The following FHAD1 variants were observed in gnomAD, a reference collection of about 807,000 sequenced individuals.
FHAD1 encodes forkhead-associated domain-containing protein 1.
FHAD1 carries 146 observed loss-of-function variants against 191.3 expected under a neutral mutation model. The ratio of observed to expected loss-of-function variants is 0.76; its 90% CI spans 0.67 to 0.88. FHAD1 has a LOEUF of 0.88. Among genes scored for constraint, FHAD1 ranks in the 40% least tolerant of loss-of-function variants. The probability of loss-of-function intolerance (pLI) is 0.00; values close to 1 mark genes in which losing one functional copy is unlikely to be tolerated. For missense variants in FHAD1, 1,635 were observed against 1,785.8 expected (o/e 0.92, Z 1.52); for synonymous variants, 616 against 672.3 (o/e 0.92, Z 1.29).
chr1:15,388,155 C>G (rs1022686545), intron 32 of FHAD1, 24 bp downstream of exon 32: 1 of 1,265,298 alleles, frequency 7.9e-7, no homozygotes, highest in Non-Finnish European at 1.0e-6. Flanking sequence ...TCTGATGTTG[C>G]AGACACAGAG....
chr1:15,364,604 C>T (rs1355517576), intron 23 of FHAD1, among the ~76,000 whole-genome samples: 2 of 151,866 alleles, frequency 1.3e-5, no homozygotes, highest in East Asian at 1.9e-4. Context: ...AGCAAGACTC[C>T]GTCTCAAAAA....
chr1:15,388,820 C>T (rs1015780440), intron 32 of FHAD1, among the ~76,000 whole-genome samples: 1 of 152,154 alleles, frequency 6.6e-6, no homozygotes, highest in Non-Finnish European at 1.5e-5. Context: ...CTAGAGGGGA[C>T]GGTGTGTGAC....
intron 20 of FHAD1, 64 bp from the exon 21 acceptor site, chr1:15,358,045 TA>T (rs1693452510): frequency 8.4e-7 from 1 of 1,184,118 alleles, no homozygotes; most frequent in African/African-American, 1.6e-5. Context: ...AGGTGGGGGA[TA>T]AGGGGGCTGG....
chr1:15,333,640 G>A (rs150545693), intron 14 of FHAD1, among the ~76,000 whole-genome samples: 66 of 151,912 alleles, frequency 4.3e-4, no homozygotes, highest in African/African-American at 1.1e-3. Flanking sequence ...TCTATTCATC[G>A]CCATCCTGCA....
chr1:15,365,810 G>C lies in FHAD1; in HGVS notation c.3048-17G>C, dbSNP rs1696248693. Reference sequence around the variant, plus strand: ...AGTTTGAGTTGAACTGACTTCACCTGTTTTTGTGAATTTCAGAGATGACTT... The same window carrying C: ...AGTTTGAGTTGAACTGACTTCACCTCTTTTTGTGAATTTCAGAGATGACTT... On this transcript the variant is annotated splice_polypyrimidine_tract_variant and intron_variant, in intron 23 of 33. Coordinates refer to ENST00000688493, the MANE Select transcript of FHAD1 (RefSeq NM_001391957.1). The C allele has an allele frequency of 6.6e-7, 1 of 1,518,282 alleles. No individual in the cohort carries two copies. The highest frequency in any genetic ancestry group is 1.4e-5 in the African/African-American group (1 of 72,292). 94.1% of individuals were successfully genotyped at this position (1,518,282 alleles called of 1,614,324 possible). A position where few individuals can be genotyped will look rare whatever the true frequency, so the allele number is the denominator to read the frequency against.
intron 21 of FHAD1, among the ~76,000 whole-genome samples, chr1:15,359,807 A>G (rs1245799244): frequency 1.3e-5 from 2 of 150,296 alleles, no homozygotes; most frequent in Admixed American, 6.6e-5. Context: ...GAAAATAGCC[A>G]GGCGTGGTGG....
intron 3 of FHAD1, among the ~76,000 whole-genome samples, chr1:15,288,038 T>C (rs1647176001): frequency 6.6e-6 from 1 of 152,070 alleles, no homozygotes; most frequent in South Asian, 2.1e-4. Flanking sequence ...CTGGAAAGCA[T>C]TATTTCTGCC....
intron 18 of FHAD1, among the ~76,000 whole-genome samples, chr1:15,346,262 T>C (rs971282203): frequency 6.6e-6 from 1 of 152,162 alleles, no homozygotes; most frequent in Non-Finnish European, 1.5e-5. Context: ...AAAGGGCCTG[T>C]GGAAGTTATA....
chr1:15,397,518 A>G lies in FHAD1; in HGVS notation c.*105A>G. 1.9e-6 allele frequency: 1 copy of G among 512,840 alleles called. No homozygotes were observed. The highest frequency in any genetic ancestry group is 3.4e-6 in the Non-Finnish European group (1 of 290,242). The allele number at this position is 512,840 out of a possible 1,614,324, so 31.8% of individuals were successfully genotyped here. ...GAGTTGCTTTTGTAAGTCTTTAAAG[A>G]TTGTTACCCTAGTGTTTCATTTCCT... On this transcript the variant is annotated 3_prime_UTR_variant, in exon 34 of 34. Coordinates refer to ENST00000688493, the MANE Select transcript of FHAD1 (RefSeq NM_001391957.1).
At chr1:15,285,181 T>TA (rs1014708506) in intron 3 of FHAD1, among the ~76,000 whole-genome samples, 1 of 152,216 alleles carries the variant, frequency 6.6e-6, no homozygotes, top group Non-Finnish European at 1.5e-5. Flanking sequence ...GCCTGTTAAG[T>TA]AGAGAAGACT....
upstream of FHAD1, among the ~76,000 whole-genome samples, chr1:15,243,414 C>G (rs1276916898): frequency 6.6e-6 from 1 of 152,242 alleles, no homozygotes; most frequent in African/African-American, 2.4e-5. Flanking sequence ...CTCTCTTGTT[C>G]TTGCTCTTTC....
chr1:15,245,646 G>A (rs567237892), upstream of FHAD1, among the ~76,000 whole-genome samples: 4 of 152,212 alleles, frequency 2.6e-5, no homozygotes, highest in East Asian at 1.9e-4. Flanking sequence ...AACATTTTAC[G>A]CCTAGAATCT....
intron 16 of FHAD1, among the ~76,000 whole-genome samples, chr1:15,344,752 T>C (rs1231966793): frequency 6.6e-6 from 1 of 152,240 alleles, no homozygotes; most frequent in Non-Finnish European, 1.5e-5. Context: ...TGGTTATCAC[T>C]GTGCCAAGCA....
At chr1:15,368,958 C>T (rs1330815095) in intron 25 of FHAD1, among the ~76,000 whole-genome samples, 1 of 152,002 alleles carries the variant, frequency 6.6e-6, no homozygotes, top group Admixed American at 6.6e-5. Flanking sequence ...AAAAAATAGC[C>T]AGACCATCCA....
At position 15,365,489 on chromosome 1, in the gene FHAD1, T is replaced by TTTTTTTTTTTTG. The variant is rs1553306888; in HGVS notation, c.3048-327_3048-326insGTTTTTTTTTTT. On this transcript the variant is annotated intron_variant, in intron 23 of 33. Transcript: ENST00000688493. ...ACCACTATGCCTGGCTAATTTTTTT[T>TTTTTTTTTTTTG]TTTTTTTTTTTTGTAGAGACGGGGT... Among the ~76,000 whole-genome samples, 23 of 145,814 alleles carry TTTTTTTTTTTTG rather than the reference T, an allele frequency of 1.6e-4. 1 individual carries two copies. Among genetic ancestry groups the TTTTTTTTTTTTG allele is most frequent in the African/African-American group, 6.1e-4 (23 of 37,666 alleles).
At chr1:15,377,315 T>G (rs1248725504) in intron 28 of FHAD1, among the ~76,000 whole-genome samples, 2 of 151,494 alleles carry the variant, frequency 1.3e-5, no homozygotes, top group Non-Finnish European at 2.9e-5. Context: ...AGGGTGGGAG[T>G]GGAGGGACAG....
At chr1:15,375,072 G>A (rs1380473193) in intron 27 of FHAD1, among the ~76,000 whole-genome samples, 1 of 151,962 alleles carries the variant, frequency 6.6e-6, no homozygotes, top group East Asian at 1.9e-4. Flanking sequence ...TGGTCAGGCT[G>A]GTCTTGAACT....
intron 4 of FHAD1, among the ~76,000 whole-genome samples, chr1:15,291,490 T>C (rs1664763428): frequency 6.6e-6 from 1 of 152,222 alleles, no homozygotes; most frequent in Admixed American, 6.5e-5. Flanking sequence ...AGCTGTAGAC[T>C]TCCCCCTAAA....
chr1:15,249,191 C>T (rs903051243), intron 1 of FHAD1, among the ~76,000 whole-genome samples: 20 of 151,924 alleles, frequency 1.3e-4, no homozygotes, highest in African/African-American at 4.8e-4. Context: ...AGCAGTGACA[C>T]ATGCTAGCTA....
Sources: gnomAD v4.1 joint callset for allele counts (sites outside exome capture counted in the v4.1 genomes callset) on GRCh38, gnomAD v4.1.1 for gene constraint, MANE v1.5 for transcripts, NCBI Gene and HGNC (gene_info 2026-07-23, HGNC 2026-07-21) for gene names.